MED26: variants seen among roughly 807,000 people sequenced by gnomAD.
MED26 encodes the protein mediator of RNA polymerase II transcription subunit 26.
Under a neutral mutation model 43.7 loss-of-function variants are expected in MED26, and 7 were observed. The observed-to-expected ratio is 0.16, with a 90% CI of 0.09 to 0.30. The LOEUF (loss-of-function observed/expected upper bound fraction) is 0.30. MED26 is among the 10% of genes least tolerant of loss of function. The pLI is 1.00. For missense variants in MED26, 784 were observed against 840.6 expected, an observed-to-expected ratio of 0.93 and a Z score of 0.83; for synonymous variants, 375 against 371.1, an observed-to-expected ratio of 1.01 and a Z score of -0.12.
chr19:16,575,964 AC>A lies in MED26; in HGVS notation c.*62del. The A allele has an allele frequency of 7.1e-7, 1 of 1,411,728 alleles. No individual in the cohort carries two copies. The highest frequency in any genetic ancestry group is 9.5e-7 in the Non-Finnish European group (1 of 1,052,352). The allele number at this position is 1,411,728 out of a possible 1,614,324, so 87.5% of individuals were successfully genotyped here. A position where few individuals can be genotyped will look rare whatever the true frequency, so the allele number is the denominator to read the frequency against. On this transcript the variant is annotated 3_prime_UTR_variant, in exon 3 of 3. Transcript: ENST00000263390. ...GCAGCTGGGCCCCGGCCACCTGCCC[AC>A]CTGCCTGCCCGCCCACCCGGCTTCT...
In MED26 at chr19:16,576,130, T is replaced by C. The variant is rs770158157; in HGVS notation, c.1700A>G (p.Gln567Arg). ...GTCATACCAGTTACCCTGTGTGTCC[T>C]GACACCCGTTCACCCCCGGCCACTG... The part of the protein sequence containing the change: ...ASQWPGVNGC[Q>R]DTQGNWYDWT... The change falls in exon 3 of 3, where the codon CAG becomes CGG. Residue 567 changes from glutamine to arginine, a missense_variant. Transcript: ENST00000263390. The surrounding 1 kb of genome is among the most constrained non-coding windows in gnomAD (Gnocchi z 6.8). The C allele has an allele frequency of 3.7e-6, 6 of 1,614,010 alleles. No individual in the cohort carries two copies. Among genetic ancestry groups the C allele is most frequent in the Non-Finnish European group, 5.1e-6 (6 of 1,180,022 alleles).
At chr19:16,599,635 T>C (rs1196396397) in intron 1 of MED26, among the ~76,000 whole-genome samples, 3 of 152,154 alleles carry the variant, frequency 2.0e-5, no homozygotes, top group Non-Finnish European at 4.4e-5. Context: ...TGACTCCTGA[T>C]CACCCTCACT....
At chr19:16,614,812 A>G (rs935488890) in intron 1 of MED26, among the ~76,000 whole-genome samples, 4 of 152,198 alleles carry the variant, frequency 2.6e-5, no homozygotes, top group African/African-American at 9.6e-5. Context: ...TAACCATCAC[A>G]GGAAGGGGGC....
chr19:16,627,404 G>A (rs1276843979), intron 1 of MED26, among the ~76,000 whole-genome samples: 2 of 152,204 alleles, frequency 1.3e-5, no homozygotes, highest in African/African-American at 4.8e-5. Flanking sequence ...GGGGAAGAAG[G>A]ACTTCCCTGA....
At chr19:16,578,223 G>A in intron 2 of MED26, 112 bp downstream of exon 2, 1 of 1,013,686 alleles carries the variant, frequency 9.9e-7, no homozygotes, top group Non-Finnish European at 1.6e-6. Flanking sequence ...CGCCTCTCTT[G>A]GTCCTCCGAA....
intron 1 of MED26, among the ~76,000 whole-genome samples, chr19:16,607,632 C>T (rs956424593): frequency 6.6e-6 from 1 of 152,212 alleles, no homozygotes; most frequent in African/African-American, 2.4e-5. Flanking sequence ...GGAGGTAATA[C>T]ATCTGGAGCA....
rs748305491 is a variant in MED26, at chr19:16,627,927, G to C, written c.17C>G (p.Ala6Gly). 6.7e-7 allele frequency: 1 copy of C among 1,488,996 alleles called. No individual in the cohort carries two copies. The highest frequency in any genetic ancestry group is 1.3e-5 in the South Asian group (1 of 78,726). 92.2% of individuals were successfully genotyped at this position (1,488,996 alleles called of 1,614,324 possible). MTAAP[A>G]SPQQIRDRLL... ...CCGGTCCCTGATCTGCTGCGGAGAC[G>C]CCGGAGCCGCTGTCATTGCCTGGGC... Residue 6 changes from alanine (A) to glycine (G), a missense_variant, in exon 1 of 3, where the codon GCG (alanine) becomes GGG (glycine). Transcript: ENST00000263390.
chr19:16,576,139 T>C lies in MED26; in HGVS notation c.1691A>G (p.Asn564Ser). 2.5e-6 allele frequency: 4 copies of C among 1,613,942 alleles called. No homozygotes were observed. The highest frequency in any genetic ancestry group is 3.4e-6 in the Non-Finnish European group (4 of 1,180,000). Residue 564 changes from asparagine to serine, a missense_variant, in exon 3 of 3, where the codon AAC becomes AGC. Around this residue, in one of 3 missense-constraint regions of MED26, gnomAD observed 719 missense variants for 730.9 expected, o/e 0.98. Coordinates refer to ENST00000263390, the MANE Select transcript of MED26 (RefSeq NM_004831.5). The surrounding 1 kb of genome is among the most constrained non-coding windows in gnomAD (Gnocchi z 6.8). ...GTTACCCTGTGTGTCCTGACACCCGTTCACCCCCGGCCACTGGCTGGCCTG... is the reference window on the plus strand; with the variant it reads ...GTTACCCTGTGTGTCCTGACACCCGCTCACCCCCGGCCACTGGCTGGCCTG... The part of the protein sequence containing the change: ...RIQASQWPGV[N>S]GCQDTQGNWY...
intron 1 of MED26, among the ~76,000 whole-genome samples, chr19:16,584,651 G>A (rs1407584673): frequency 4.1e-4 from 62 of 152,326 alleles, no homozygotes; most frequent in Non-Finnish European, 2.9e-5. Flanking sequence ...GACCCACCAC[G>A]CATCCTCGTC....
chr19:16,614,132 ACTGAGGCTCGGAGACATTAAGTGATCTG>A (rs2086211963), intron 1 of MED26, among the ~76,000 whole-genome samples: 3 of 152,182 alleles, frequency 2.0e-5, no homozygotes, highest in Admixed American at 2.0e-4. Context: ...AAGTAAAAAG[ACTGAGGCTCGGAGACATTAAGTGATCTG>A]CTCCAAGGTC....
At chr19:16,601,012 C>G (rs2086146008) in intron 1 of MED26, among the ~76,000 whole-genome samples, 1 of 151,344 alleles carries the variant, frequency 6.6e-6, no homozygotes, top group African/African-American at 2.4e-5. Context: ...GAAAATTGAA[C>G]CCAGGAGGTT....
chr19:16,625,278 G>A (rs2086269263), intron 1 of MED26, among the ~76,000 whole-genome samples: 1 of 152,168 alleles, frequency 6.6e-6, no homozygotes, highest in Non-Finnish European at 1.5e-5. Context: ...TACTCCAGGG[G>A]CTAAAAGTGA....
intron 1 of MED26, chr19:16,611,833 A>AT (rs1349712430): frequency 6.6e-6 from 1 of 152,072 alleles, no homozygotes. Context: ...TAAAAAAAAA[A>AT]GAAGTAAATG....
chr19:16,604,336 G>A (rs1052084349), intron 1 of MED26, among the ~76,000 whole-genome samples: 1 of 152,260 alleles, frequency 6.6e-6, no homozygotes, highest in Non-Finnish European at 1.5e-5. Flanking sequence ...GTCCTCTCCA[G>A]AGGGATAGAA....
chr19:16,624,640 C>G (rs968141412), intron 1 of MED26: 15 of 152,248 alleles, frequency 9.9e-5, no homozygotes, highest in African/African-American at 3.6e-4. Flanking sequence ...CACTTAACAT[C>G]TGTGTTCCTC....
intron 1 of MED26, among the ~76,000 whole-genome samples, chr19:16,584,171 C>T (rs998943625): frequency 2.0e-5 from 3 of 151,508 alleles, no homozygotes; most frequent in Non-Finnish European, 4.4e-5. Context: ...GAGAATCGCT[C>T]AAACCTGGGA....
At chr19:16,584,683 G>A (rs922078452) in intron 1 of MED26, among the ~76,000 whole-genome samples, 1 of 152,208 alleles carries the variant, frequency 6.6e-6, no homozygotes, top group African/African-American at 2.4e-5. Flanking sequence ...CTTTCCTGAA[G>A]AAATAATACA....
intron 1 of MED26, among the ~76,000 whole-genome samples, chr19:16,585,374 C>A (rs1290841000): frequency 6.6e-6 from 1 of 152,168 alleles, no homozygotes; most frequent in East Asian, 1.9e-4. Flanking sequence ...ACAGCCACCA[C>A]CACAGAGAGG....
intron 1 of MED26, among the ~76,000 whole-genome samples, chr19:16,608,017 C>T (rs1411061231): frequency 6.6e-6 from 1 of 152,248 alleles, no homozygotes. Context: ...GCCTGAAGCC[C>T]GGCAAGCAGG....
Sources: allele counts gnomAD v4.1 joint callset (sites outside exome capture counted in the v4.1 genomes callset), GRCh38; gene constraint gnomAD v4.1.1; regional missense constraint gnomAD v4.1.1; non-coding constraint Gnocchi (gnomAD v3.1); transcripts MANE v1.5; gene names NCBI Gene and HGNC (gene_info 2026-07-23, HGNC 2026-07-21).